Variants in PCDHA2 observed in about 807,000 individuals in gnomAD.
PCDHA2 encodes the protein protocadherin alpha 2, also known as protocadherin alpha-2.
A neutral mutation model predicts 66.0 loss-of-function variants in PCDHA2; 58 were observed. The ratio of observed to expected loss-of-function variants is 0.88; its 90% CI spans 0.71 to 1.09. The LOEUF is 1.09. Among genes scored for constraint, PCDHA2 ranks in the 50% least tolerant of loss-of-function variants. The pLI is 0.00. For missense variants in PCDHA2, 1,267 were observed against 1,242.3 expected (o/e 1.02, Z -0.30); for synonymous variants, 634 against 554.0 (o/e 1.14, Z -2.03).
intron 1 of PCDHA2, chr5:140,869,178 G>A (rs200717410): frequency 1.0e-4 from 168 of 1,613,870 alleles, no homozygotes; most frequent in Non-Finnish European, 1.3e-4. Flanking sequence ...AATTCTGGGA[G>A]GTGGGGAGCG....
chr5:140,873,657 C>T (rs1270824058), intron 1 of PCDHA2, among the ~76,000 whole-genome samples: 1 of 152,206 alleles, frequency 6.6e-6, no homozygotes, highest in Non-Finnish European at 1.5e-5. Flanking sequence ...ACATAACACA[C>T]TATTATTATT....
At chr5:140,875,772 G>T (rs781933974) in intron 1 of PCDHA2, 2 of 1,614,136 alleles carry the variant, frequency 1.2e-6, no homozygotes, top group Non-Finnish European at 1.7e-6. Context: ...GGCGGAGCGC[G>T]GAGTGCAGTA....
In PCDHA2 at chr5:140,882,044, C is replaced by T. The variant is rs539916085; in HGVS notation, c.2388+84692C>T. The T allele has an allele frequency of 5.7e-6, 4 of 702,876 alleles. No individual in the cohort carries two copies. In the East Asian group the frequency reaches 1.1e-4, roughly 20 times the overall value. The allele number at this position is 702,876 out of a possible 1,614,324, so 43.5% of individuals were successfully genotyped here. Reference sequence around the variant, plus strand: ...TCAATGGAAAATATGAAGACTGAGTCATACTTACACTTACACGTTCATGCG... The same window carrying T: ...TCAATGGAAAATATGAAGACTGAGTTATACTTACACTTACACGTTCATGCG... On this transcript the variant is annotated intron_variant, in intron 1 of 3. Transcript: ENST00000526136.
Position 140,871,256 on chromosome 5 carries a change from C to T in PCDHA2, c.2388+73904C>T, listed in dbSNP as rs781990448. ...CTGGTACTCACGCTGCTGCTGTATA[C>T]GGCGCTGTGGTGGTCGGCAACGCCC... On this transcript the variant is annotated intron_variant, in intron 1 of 3. Coordinates refer to ENST00000526136, the MANE Select transcript of PCDHA2 (RefSeq NM_018905.3). The T allele has an allele frequency of 4.3e-6, 7 of 1,613,866 alleles. No individual in the cohort carries two copies. Among genetic ancestry groups the T allele is most frequent in the East Asian group, 2.2e-5 (1 of 44,888 alleles).
intron 1 of PCDHA2, chr5:140,841,681 C>G: frequency 6.2e-7 from 1 of 1,613,906 alleles, no homozygotes; most frequent in Non-Finnish European, 8.5e-7. Context: ...TCCATGTGGA[C>G]GTGGAGGTGA....
chr5:140,910,551 T>G (rs1330218807), intron 1 of PCDHA2, among the ~76,000 whole-genome samples: 1 of 152,178 alleles, frequency 6.6e-6, no homozygotes, highest in East Asian at 1.9e-4. Flanking sequence ...TTGCAAAGTA[T>G]TAGTCAAGGA....
chr5:140,831,138 T>G (rs1208993526), intron 1 of PCDHA2: 1 of 152,186 alleles, frequency 6.6e-6, no homozygotes, highest in Admixed American at 6.6e-5. Flanking sequence ...GGTTATTGAT[T>G]TATTTACTAC....
At chr5:140,927,926 T>C (rs782407263) in intron 1 of PCDHA2, 2 of 1,614,212 alleles carry the variant, frequency 1.2e-6, no homozygotes, top group East Asian at 2.2e-5. Context: ...TTCCTGACTC[T>C]TTCGAACCCA....
chr5:140,876,206 C>A, intron 1 of PCDHA2: 1 of 1,613,864 alleles, frequency 6.2e-7, no homozygotes, highest in Non-Finnish European at 8.5e-7. Flanking sequence ...TTTGATAAGC[C>A]CAGCTATAAA....
chr5:140,797,845 AT>A (rs11296857), intron 1 of PCDHA2, among the ~76,000 whole-genome samples: 10,141 of 150,108 alleles, frequency 0.068, 1,104 homozygotes, highest in African/African-American at 0.23. Context: ...AATAAGCTAC[AT>A]TTTTTTTTTG....
At chr5:140,827,315 C>A (rs2150147062) in intron 1 of PCDHA2, among the ~76,000 whole-genome samples, 1 of 152,126 alleles carries the variant, frequency 6.6e-6, no homozygotes, top group East Asian at 1.9e-4. Flanking sequence ...GGTAGAAATT[C>A]CACTAGAATT....
intron 1 of PCDHA2, chr5:140,930,058 C>T (rs1186770970): frequency 6.6e-6 from 1 of 152,172 alleles, no homozygotes; most frequent in Non-Finnish European, 1.5e-5. Context: ...TTTGCTTACA[C>T]AAAAACTGTA....
At chr5:140,845,489 T>C (rs1779894647) in intron 1 of PCDHA2, among the ~76,000 whole-genome samples, 1 of 149,700 alleles carries the variant, frequency 6.7e-6, no homozygotes, top group Non-Finnish European at 1.5e-5. Context: ...GCTTTCACAG[T>C]GAGAAAGTCT....
intron 1 of PCDHA2, chr5:140,862,681 G>T: frequency 1.8e-6 from 1 of 551,660 alleles, no homozygotes. Context: ...GAACGTGCTG[G>T]TGTCCTACTC....
intron 1 of PCDHA2, among the ~76,000 whole-genome samples, chr5:140,839,578 T>TG (rs1264891718): frequency 1.3e-5 from 2 of 151,912 alleles, no homozygotes; most frequent in Non-Finnish European, 2.9e-5. Context: ...TTTGTAGAGA[T>TG]GGGGTCTTAC....
rs143767190 is a variant in PCDHA2, at chr5:140,836,000, T to C, written c.2388+38648T>C. 1,476 of 1,613,102 alleles carry C rather than the reference T, an allele frequency of 9.2e-4. 25 individuals are homozygous for C. In the East Asian group the frequency reaches 0.013, roughly 14 times the overall value. On this transcript the variant is annotated intron_variant, in intron 1 of 3. Transcript: ENST00000526136. ...TGCAGTTCCAGGTGAGCGCGCGCGATGCGGGCGTGCCGCCTCTGGGCAGCA... is the reference window on the plus strand; with the variant it reads ...TGCAGTTCCAGGTGAGCGCGCGCGACGCGGGCGTGCCGCCTCTGGGCAGCA...
chr5:140,809,133 T>C, intron 1 of PCDHA2: 1 of 1,613,976 alleles, frequency 6.2e-7, no homozygotes, highest in Non-Finnish European at 8.5e-7. Flanking sequence ...CGCCTACTGG[T>C]ACTGGTGAAG....
chr5:141,006,296 C>G (rs2153987135), intron 3 of PCDHA2, among the ~76,000 whole-genome samples: 1 of 152,102 alleles, frequency 6.6e-6, no homozygotes, highest in East Asian at 1.9e-4. Context: ...ACTGCAAGCT[C>G]CACTTCCCGG....
intron 1 of PCDHA2, chr5:140,870,179 G>T (rs184228916): frequency 2.5e-6 from 4 of 1,613,986 alleles, no homozygotes; most frequent in African/African-American, 2.7e-5. Context: ...CTCCCAGTAC[G>T]AGAGGACGCT....
Sources: allele counts gnomAD v4.1 joint callset (sites outside exome capture counted in the v4.1 genomes callset), GRCh38; gene constraint gnomAD v4.1.1; transcripts MANE v1.5; gene names NCBI Gene and HGNC (gene_info 2026-07-23, HGNC 2026-07-21).